MTMR12: variants seen among roughly 807,000 people sequenced by gnomAD.
The protein encoded by MTMR12 is myotubularin related protein 12.
Under a neutral mutation model 96.7 loss-of-function variants are expected in MTMR12, and 33 were observed. The ratio of observed to expected loss-of-function variants is 0.34; its 90% CI spans 0.26 to 0.46. The LOEUF (loss-of-function observed/expected upper bound fraction) is 0.46, where lower values mean the gene tolerates loss of function less well. Ranked by LOEUF, MTMR12 falls within the 20% of genes least tolerant of loss-of-function variation. MTMR12 has a pLI of 1.00. For missense variants in MTMR12, 721 were observed against 896.1 expected, an observed-to-expected ratio of 0.80 and a Z score of 2.49; for synonymous variants, 298 against 327.2, an observed-to-expected ratio of 0.91 and a Z score of 0.96.
chr5:32,306,174 A>G (rs1444073656), intron 1 of MTMR12, among the ~76,000 whole-genome samples: 1 of 152,214 alleles, frequency 6.6e-6, no homozygotes, highest in East Asian at 1.9e-4. Context: ...TAAATGTAAG[A>G]ATAAGAGAAT....
intron 15 of MTMR12, among the ~76,000 whole-genome samples, chr5:32,232,611 T>G (rs560684208): frequency 6.6e-6 from 1 of 152,276 alleles, no homozygotes; most frequent in African/African-American, 2.4e-5. Context: ...CCAGCTCTCA[T>G]GAGAATGTGC....
At chr5:32,246,957 T>C (rs963811119) in intron 10 of MTMR12, among the ~76,000 whole-genome samples, 1 of 152,216 alleles carries the variant, frequency 6.6e-6, no homozygotes, top group South Asian at 2.1e-4. Flanking sequence ...TTTTTCATAA[T>C]ATACATTTTC....
At chr5:32,234,888 A>C in intron 14 of MTMR12, 74 bp downstream of exon 14, 1 of 1,372,872 alleles carries the variant, frequency 7.3e-7, no homozygotes, top group Non-Finnish European at 1.0e-6. Context: ...TTTTATTTGT[A>C]GCATCAGTAT....
At chr5:32,277,796 T>A (rs765251596) in intron 1 of MTMR12, among the ~76,000 whole-genome samples, 41 of 152,108 alleles carry the variant, frequency 2.7e-4, no homozygotes, top group Non-Finnish European at 5.7e-4. Flanking sequence ...AAAGATGATG[T>A]GTTCTTGAAA....
chr5:32,241,953 C>T (rs954831298), intron 12 of MTMR12, 104 bp downstream of exon 12: 5 of 913,134 alleles, frequency 5.5e-6, no homozygotes, highest in Non-Finnish European at 8.4e-6. Context: ...GATTTCTACA[C>T]TAACTCACTC....
At chr5:32,307,224 CTACAAAG>C (rs1381493542) in intron 1 of MTMR12, among the ~76,000 whole-genome samples, 1 of 151,982 alleles carries the variant, frequency 6.6e-6, no homozygotes, top group Non-Finnish European at 1.5e-5. Context: ...CTTTATTTTT[CTACAAAG>C]AATGCTTATG....
intron 1 of MTMR12, among the ~76,000 whole-genome samples, chr5:32,308,820 G>A (rs1437373225): frequency 6.6e-6 from 1 of 152,118 alleles, no homozygotes; most frequent in Non-Finnish European, 1.5e-5. Context: ...GGCCAGGATA[G>A]TCTGGATCTC....
rs1581620204 is a variant in MTMR12 at position 32,270,706 on chromosome 5, G to A, written c.489+111C>T. On this transcript the variant is annotated intron_variant, in intron 5 of 15. Coordinates refer to ENST00000382142, the MANE Select transcript of MTMR12 (RefSeq NM_001040446.3). Reference sequence around the variant, plus strand: ...AATATGGGATTACAACCAATTTCAAGTTCACAGAGTGAAAGCCTCCCCTCA... The same window carrying A: ...AATATGGGATTACAACCAATTTCAAATTCACAGAGTGAAAGCCTCCCCTCA... 2.4e-6 allele frequency: 3 copies of A among 1,230,682 alleles called. No individual in the cohort carries two copies. The South Asian group carries it at 4.6e-5, about 19-fold the overall frequency. 76.2% of individuals were successfully genotyped at this position (1,230,682 alleles called of 1,614,324 possible). A position where few individuals can be genotyped will look rare whatever the true frequency, so the allele number is the denominator to read the frequency against.
chr5:32,249,399 C>T (rs925266826), intron 8 of MTMR12, among the ~76,000 whole-genome samples: 1 of 152,056 alleles, frequency 6.6e-6, no homozygotes, highest in Non-Finnish European at 1.5e-5. Context: ...AAGGGGGCAA[C>T]TCTCATTAGA....
intron 1 of MTMR12, among the ~76,000 whole-genome samples, chr5:32,281,269 A>AAC (rs1204415801): frequency 6.6e-6 from 1 of 150,738 alleles, no homozygotes; most frequent in Non-Finnish European, 1.5e-5. Context: ...AAAAAACAAA[A>AAC]AAAACTGTTA....
chr5:32,278,222 A>C (rs1421401052), intron 1 of MTMR12, among the ~76,000 whole-genome samples: 1 of 152,254 alleles, frequency 6.6e-6, no homozygotes, highest in African/African-American at 2.4e-5. Flanking sequence ...CAAAATATCT[A>C]ACCTCAGTCT....
chr5:32,301,259 C>T (rs112998753), intron 1 of MTMR12, among the ~76,000 whole-genome samples: 10 of 152,220 alleles, frequency 6.6e-5, no homozygotes, highest in African/African-American at 2.4e-4. Flanking sequence ...CTGAGGCCAG[C>T]CCAGGAGTCC....
intron 1 of MTMR12, among the ~76,000 whole-genome samples, chr5:32,281,564 A>T (rs966649712): frequency 7.9e-5 from 12 of 152,198 alleles, no homozygotes; most frequent in African/African-American, 2.4e-4. Flanking sequence ...AAGCACTTTG[A>T]ACCCTCTGCA....
At chr5:32,268,537 G>T (rs1034319007) in intron 6 of MTMR12, among the ~76,000 whole-genome samples, 164 bp downstream of exon 6, 9 of 149,686 alleles carry the variant, frequency 6.0e-5, no homozygotes, top group African/African-American at 2.0e-4. Context: ...TCACAGGAAA[G>T]AAAATGTAGA....
At chr5:32,240,517 C>T (rs1333377295) in intron 12 of MTMR12, among the ~76,000 whole-genome samples, 3 of 152,162 alleles carry the variant, frequency 2.0e-5, no homozygotes, top group Non-Finnish European at 4.4e-5. Flanking sequence ...ACTTCTCCCT[C>T]CAGGAAACAA....
Position 32,249,014 on chromosome 5 carries a change from G to A in MTMR12, c.790-136C>T. 1.0e-5 allele frequency: 7 copies of A among 668,836 alleles called. No homozygotes were observed. In the South Asian group the frequency reaches 1.2e-4, roughly 12 times the overall value. 41.4% of individuals were successfully genotyped at this position (668,836 alleles called of 1,614,324 possible). A position where few individuals can be genotyped will look rare whatever the true frequency, so the allele number is the denominator to read the frequency against. On this transcript the variant is annotated intron_variant, in intron 8 of 15. Transcript: ENST00000382142. ...GGCTGGACATACTTAACTTTATTAA[G>A]CCTGGGAGTATTTAGTCACAATGAA...
chr5:32,249,205 C>T (rs1748814726), intron 8 of MTMR12, among the ~76,000 whole-genome samples: 1 of 152,134 alleles, frequency 6.6e-6, no homozygotes, highest in African/African-American at 2.4e-5. Context: ...CAGCTTATTA[C>T]ATGTCAGGTA....
chr5:32,268,588 A>T, intron 6 of MTMR12, 113 bp downstream of exon 6: 1 of 734,310 alleles, frequency 1.4e-6, no homozygotes, highest in Non-Finnish European at 2.4e-6. Flanking sequence ...ACCAATTGGT[A>T]GAGGAGACAG....
At chr5:32,241,123 T>C (rs1013059774) in intron 12 of MTMR12, among the ~76,000 whole-genome samples, 1 of 152,220 alleles carries the variant, frequency 6.6e-6, no homozygotes, top group African/African-American at 2.4e-5. Flanking sequence ...TTCCGTTTCT[T>C]AGACCTCCAA....
Sources: gnomAD v4.1 joint callset for allele counts (sites outside exome capture counted in the v4.1 genomes callset) on GRCh38, gnomAD v4.1.1 for gene constraint, MANE v1.5 for transcripts, NCBI Gene and HGNC (gene_info 2026-07-23, HGNC 2026-07-21) for gene names.